The following MACROD2 variants were observed in gnomAD, a reference collection of about 807,000 sequenced individuals.
The protein encoded by MACROD2 is mono-ADP ribosylhydrolase 2, also known as ADP-ribose glycohydrolase MACROD2.
Under a neutral mutation model 70.4 loss-of-function variants are expected in MACROD2, and 36 were observed. That is an observed-to-expected ratio of 0.51 (90% CI 0.39 to 0.68). The LOEUF is 0.68. Among genes scored for constraint, MACROD2 ranks in the 30% least tolerant of loss-of-function variants. The probability of loss-of-function intolerance (pLI) is 0.00; values close to 1 mark genes in which losing one functional copy is unlikely to be tolerated. For missense variants in MACROD2, 496 were observed against 538.4 expected (o/e 0.92, Z 0.78); for synonymous variants, 172 against 178.8 (o/e 0.96, Z 0.30).
At chr20:14,319,484 A>G (rs1055889744) in intron 3 of MACROD2, among the ~76,000 whole-genome samples, 6 of 151,892 alleles carry the variant, frequency 4.0e-5, no homozygotes, top group Admixed American at 6.6e-5. Context: ...GTTCCTCCCC[A>G]TGACCCAACA....
At chr20:15,378,433 T>G (rs1332435026) in intron 6 of MACROD2, among the ~76,000 whole-genome samples, 2 of 151,992 alleles carry the variant, frequency 1.3e-5, no homozygotes, top group Non-Finnish European at 2.9e-5. Flanking sequence ...TGGAGAAACT[T>G]TAAAGGAAAA....
At chr20:15,266,929 CG>C (rs569970310) in intron 6 of MACROD2, among the ~76,000 whole-genome samples, 1 of 152,174 alleles carries the variant, frequency 6.6e-6, no homozygotes, top group Non-Finnish European at 1.5e-5. Flanking sequence ...GGCAGGGGCG[CG>C]GGGGGCATGA....
chr20:14,308,354 C>T (rs1278085090), intron 3 of MACROD2, among the ~76,000 whole-genome samples: 1 of 152,106 alleles, frequency 6.6e-6, no homozygotes, highest in Non-Finnish European at 1.5e-5. Context: ...GAATATGAAT[C>T]TTACGTAGCT....
intron 3 of MACROD2, among the ~76,000 whole-genome samples, chr20:14,200,026 C>G (rs2081466128): frequency 6.6e-6 from 1 of 152,062 alleles, no homozygotes. Flanking sequence ...TTCCCAATAG[C>G]AAAGACATTC....
At chr20:14,388,092 C>CA (rs2122792581) in intron 3 of MACROD2, among the ~76,000 whole-genome samples, 1 of 151,206 alleles carries the variant, frequency 6.6e-6, no homozygotes, top group African/African-American at 2.4e-5. Flanking sequence ...TCACTGCAAG[C>CA]TCCACCTCCA....
At chr20:15,340,367 A>C (rs991814442) in intron 6 of MACROD2, among the ~76,000 whole-genome samples, 4 of 151,356 alleles carry the variant, frequency 2.6e-5, no homozygotes, top group South Asian at 2.1e-4. Flanking sequence ...TGAACTCCTG[A>C]CCTCATGATC....
chr20:14,679,179 A>G (rs1457416193), intron 4 of MACROD2, among the ~76,000 whole-genome samples: 1 of 152,240 alleles, frequency 6.6e-6, no homozygotes, highest in Non-Finnish European at 1.5e-5. Flanking sequence ...AAATATGACA[A>G]TAAGGGTGCA....
intron 3 of MACROD2, among the ~76,000 whole-genome samples, chr20:14,268,256 ACT>A (rs1395751621): frequency 1.1e-4 from 16 of 152,146 alleles, no homozygotes; most frequent in African/African-American, 3.9e-4. Flanking sequence ...CAAAACTGAC[ACT>A]GATTCTTCAG....
At chr20:15,822,577 A>G (rs965950134) in intron 8 of MACROD2, among the ~76,000 whole-genome samples, 1 of 152,212 alleles carries the variant, frequency 6.6e-6, no homozygotes, top group Non-Finnish European at 1.5e-5. Flanking sequence ...GTAAATTTTT[A>G]CATTTGCATG....
At position 14,321,566 on chromosome 20, in the gene MACROD2, A is replaced by G. The variant is rs28453734; in HGVS notation, c.272-171913A>G. ...TTAATCATGCTAAGAAGGAAAAAGG[A>G]ATTAGAATTTTAAATGCTGCTACCA... On this transcript the variant is annotated intron_variant, in intron 3 of 17. Coordinates refer to ENST00000684519, the MANE Select transcript of MACROD2 (RefSeq NM_001351661.2). Among the ~76,000 whole-genome samples the G allele has an allele frequency of 3.7e-3, 565 of 152,324 alleles. 2 individuals carry two copies. Among genetic ancestry groups the G allele is most frequent in the Admixed American group, 5.6e-3 (86 of 15,300 alleles).
chr20:16,020,510 A>G (rs570480028), intron 15 of MACROD2, among the ~76,000 whole-genome samples: 1 of 151,324 alleles, frequency 6.6e-6, no homozygotes, highest in Non-Finnish European at 1.5e-5. Context: ...TGTTTCTTAT[A>G]TATAGTTGCT....
chr20:14,191,423 A>G (rs2081387113), intron 3 of MACROD2, among the ~76,000 whole-genome samples: 1 of 152,238 alleles, frequency 6.6e-6, no homozygotes, highest in Admixed American at 6.5e-5. Context: ...TTAATTTTAA[A>G]TGGTATATAA....
chr20:15,427,337 G>A (rs552067433), intron 6 of MACROD2, among the ~76,000 whole-genome samples: 2 of 152,198 alleles, frequency 1.3e-5, no homozygotes, highest in African/African-American at 4.8e-5. Flanking sequence ...TTCCAAGACA[G>A]AACTGAGAGC....
intron 4 of MACROD2, among the ~76,000 whole-genome samples, chr20:14,655,165 C>T (rs540323703): frequency 2.6e-5 from 4 of 152,084 alleles, no homozygotes; most frequent in East Asian, 1.9e-4. Context: ...TTTATTACAA[C>T]GTTTAAAAAG....
chr20:15,717,323 C>T (rs936024167), intron 8 of MACROD2, among the ~76,000 whole-genome samples: 1 of 152,170 alleles, frequency 6.6e-6, no homozygotes, highest in Non-Finnish European at 1.5e-5. Flanking sequence ...TGGTAGAGTT[C>T]AGGGCTTCCT....
intron 5 of MACROD2, among the ~76,000 whole-genome samples, chr20:15,151,022 G>A (rs1037512664): frequency 1.3e-5 from 2 of 151,996 alleles, no homozygotes; most frequent in Non-Finnish European, 2.9e-5. Flanking sequence ...CCTCCACTGT[G>A]AGAGTTACCT....
chr20:14,084,060 T>A, intron 2 of MACROD2, among the ~76,000 whole-genome samples: 1 of 790 alleles, frequency 1.3e-3, no homozygotes, highest in Non-Finnish European at 4.9e-3. Context: ...AGACTCCGTC[T>A]CAAAAAAAAA....
At chr20:14,587,409 A>G (rs1981457426) in intron 4 of MACROD2, among the ~76,000 whole-genome samples, 1 of 151,672 alleles carries the variant, frequency 6.6e-6, no homozygotes, top group Admixed American at 6.6e-5. Context: ...TATTATTGTT[A>G]TATTGGTTAG....
chr20:14,497,535 A>G (rs1039550569), intron 4 of MACROD2, among the ~76,000 whole-genome samples: 2 of 151,646 alleles, frequency 1.3e-5, no homozygotes, highest in African/African-American at 4.9e-5. Flanking sequence ...TACTTTAGAT[A>G]ATATCTTTTG....
Sources: allele counts gnomAD v4.1 joint callset (sites outside exome capture counted in the v4.1 genomes callset), GRCh38; gene constraint gnomAD v4.1.1; transcripts MANE v1.5; gene names NCBI Gene and HGNC (gene_info 2026-07-23, HGNC 2026-07-21).